Variants in FA2H observed in about 807,000 individuals in gnomAD.
FA2H encodes the protein fatty acid alpha-hydroxylase.
In FA2H, 22 loss-of-function variants were observed where a neutral mutation model predicts 44.9. The ratio of observed to expected loss-of-function variants is 0.49; its 90% CI spans 0.35 to 0.70. FA2H has a LOEUF of 0.70. Ranked by LOEUF, FA2H falls within the 30% of genes least tolerant of loss-of-function variation. The probability of loss-of-function intolerance (pLI) is 0.01; values close to 1 mark genes in which losing one functional copy is unlikely to be tolerated. For synonymous variants in FA2H, 243 were observed against 213.2 expected (o/e 1.14, Z -1.22); for missense variants, 501 against 504.9 (o/e 0.99, Z 0.07).
At chr16:74,724,827 G>A (rs572252416) in intron 4 of FA2H, among the ~76,000 whole-genome samples, 1 of 152,232 alleles carries the variant, frequency 6.6e-6, no homozygotes, top group African/African-American at 2.4e-5. Context: ...TATAGGTCAA[G>A]CCTCTGCCCG....
rs117733758 is a variant in FA2H, at chr16:74,738,943, G to A, written c.363+1080C>T. 9.8e-3 allele frequency among the ~76,000 whole-genome samples: 1,494 copies of A among 152,348 alleles called. 8 individuals are homozygous for A. The highest frequency in any genetic ancestry group is 0.016 in the Non-Finnish European group (1,083 of 68,040). On this transcript the variant is annotated intron_variant, in intron 2 of 6. Coordinates refer to ENST00000219368, the MANE Select transcript of FA2H (RefSeq NM_024306.5). The stretch of plus-strand genomic sequence containing the variant: ...AGCACAACTTCCTTCGGCCTCTCTG[G>A]TTGGATCCTGAGGCGTCTGTGCTGT...
intron 1 of FA2H, among the ~76,000 whole-genome samples, chr16:74,740,551 T>C (rs900028608): frequency 6.7e-6 from 1 of 148,872 alleles, no homozygotes; most frequent in African/African-American, 2.5e-5. Context: ...ACCCGGGAGG[T>C]AGAGGTTGCA....
intron 4 of FA2H, among the ~76,000 whole-genome samples, chr16:74,722,886 G>A (rs1350025233): frequency 1.4e-5 from 2 of 143,976 alleles, no homozygotes; most frequent in Non-Finnish European, 3.0e-5. Context: ...ACTCCAGCAT[G>A]GGCAATAAGA....
chr16:74,752,002 C>G (rs2144649196), intron 1 of FA2H, among the ~76,000 whole-genome samples: 1 of 152,308 alleles, frequency 6.6e-6, no homozygotes, highest in African/African-American at 2.4e-5. Context: ...TTCCATAAAT[C>G]AAATCGCCCA....
intron 1 of FA2H, among the ~76,000 whole-genome samples, chr16:74,761,966 C>T (rs777293777): frequency 2.0e-5 from 3 of 152,194 alleles, no homozygotes; most frequent in Non-Finnish European, 4.4e-5. Flanking sequence ...CCCTTAAATA[C>T]ACTTGTTAAT....
At chr16:74,749,698 A>G (rs1413040738) in intron 1 of FA2H, among the ~76,000 whole-genome samples, 2 of 152,176 alleles carry the variant, frequency 1.3e-5, no homozygotes, top group African/African-American at 4.8e-5. Flanking sequence ...TGAAAAAATG[A>G]AATTACCACT....
intron 1 of FA2H, among the ~76,000 whole-genome samples, chr16:74,757,588 C>G (rs1962632529): frequency 6.6e-6 from 1 of 152,052 alleles, no homozygotes; most frequent in Non-Finnish European, 1.5e-5. Context: ...ATAGGAACAG[C>G]TGTTAAAAAG....
intron 1 of FA2H, among the ~76,000 whole-genome samples, chr16:74,773,545 G>A (rs1357764116): frequency 6.6e-6 from 1 of 152,162 alleles, no homozygotes; most frequent in Non-Finnish European, 1.5e-5. Flanking sequence ...CCTCTGGCCT[G>A]AGCCTACCTG....
At chr16:74,747,449 G>C (rs943720004) in intron 1 of FA2H, among the ~76,000 whole-genome samples, 2 of 152,200 alleles carry the variant, frequency 1.3e-5, no homozygotes, top group African/African-American at 4.8e-5. Flanking sequence ...TCCCAGTGTA[G>C]AGGTTGTGGG....
chr16:74,773,356 T>G (rs919174952), intron 1 of FA2H, among the ~76,000 whole-genome samples: 10 of 152,206 alleles, frequency 6.6e-5, no homozygotes, highest in Non-Finnish European at 8.8e-5. Context: ...ATCATAGATA[T>G]GCATATATGG....
chr16:74,732,371 C>G (rs1001762429), intron 2 of FA2H, among the ~76,000 whole-genome samples: 2 of 152,326 alleles, frequency 1.3e-5, no homozygotes, highest in South Asian at 4.1e-4. Flanking sequence ...AAATTTTAAT[C>G]TATTGATCTA....
chr16:74,729,866 G>T (rs144140300), intron 2 of FA2H, among the ~76,000 whole-genome samples: 1 of 150,482 alleles, frequency 6.6e-6, no homozygotes, highest in Non-Finnish European at 1.5e-5. Context: ...TGGATGCTCA[G>T]CCAATCTTCA....
intron 4 of FA2H, among the ~76,000 whole-genome samples, chr16:74,720,609 A>C (rs1454379827): frequency 6.6e-6 from 1 of 152,118 alleles, no homozygotes; most frequent in Non-Finnish European, 1.5e-5. Context: ...TAATTCATCC[A>C]AATAAAATAT....
At chr16:74,757,227 A>G (rs1220092182) in intron 1 of FA2H, among the ~76,000 whole-genome samples, 1 of 152,240 alleles carries the variant, frequency 6.6e-6, no homozygotes, top group East Asian at 1.9e-4. Context: ...AAACGTGCAA[A>G]AAGTTCAGAA....
At chr16:74,743,800 C>G (rs555928603) in intron 1 of FA2H, among the ~76,000 whole-genome samples, 1 of 152,188 alleles carries the variant, frequency 6.6e-6, no homozygotes, top group Non-Finnish European at 1.5e-5. Flanking sequence ...TGGGACCACA[C>G]CCCTCCTTGG....
At chr16:74,719,631 G>A (rs1961785022) in intron 4 of FA2H, among the ~76,000 whole-genome samples, 1 of 152,174 alleles carries the variant, frequency 6.6e-6, no homozygotes, top group African/African-American at 2.4e-5. Context: ...TTCCCTTCCT[G>A]GGCTCAAGCG....
At chr16:74,720,047 A>G (rs1484295151) in intron 4 of FA2H, among the ~76,000 whole-genome samples, 1 of 151,954 alleles carries the variant, frequency 6.6e-6, no homozygotes, top group Non-Finnish European at 1.5e-5. Flanking sequence ...CTTCAAGCAC[A>G]TGCTTCCCAC....
chr16:74,737,319 G>A (rs1962201359), intron 2 of FA2H, among the ~76,000 whole-genome samples: 1 of 152,198 alleles, frequency 6.6e-6, no homozygotes, highest in South Asian at 2.1e-4. Context: ...GAGGGATGTG[G>A]AGGGTGAGAA....
intron 2 of FA2H, among the ~76,000 whole-genome samples, chr16:74,728,226 C>A (rs1161886181): frequency 6.6e-6 from 1 of 152,176 alleles, no homozygotes; most frequent in Non-Finnish European, 1.5e-5. Context: ...TAGTTTGAGA[C>A]CAGCCTGGGC....
Sources: allele counts gnomAD v4.1 joint callset (sites outside exome capture counted in the v4.1 genomes callset), GRCh38; gene constraint gnomAD v4.1.1; transcripts MANE v1.5; gene names NCBI Gene and HGNC (gene_info 2026-07-23, HGNC 2026-07-21).